UBR3: variants seen among roughly 807,000 people sequenced by gnomAD.
UBR3 encodes E3 ubiquitin-protein ligase UBR3.
UBR3 carries 85 observed loss-of-function variants against 243.2 expected under a neutral mutation model. That is an observed-to-expected ratio of 0.35 (90% CI 0.29 to 0.42). The LOEUF (loss-of-function observed/expected upper bound fraction) is 0.42. Ranked by LOEUF, UBR3 falls within the 10% of genes least tolerant of loss-of-function variation. The pLI is 1.00. For missense variants in UBR3, 1,686 were observed against 2,300.8 expected (o/e 0.73, Z 5.47); for synonymous variants, 748 against 799.8 (o/e 0.94, Z 1.09).
chr2:169,859,081 C>A (rs1318811634), intron 1 of UBR3, among the ~76,000 whole-genome samples: 7 of 99,748 alleles, frequency 7.0e-5, no homozygotes, highest in Non-Finnish European at 1.4e-4. Flanking sequence ...CTCACCATGG[C>A]TTTTTTTTTT....
chr2:170,032,908 G>T (rs999474788), intron 31 of UBR3, among the ~76,000 whole-genome samples: 2 of 151,812 alleles, frequency 1.3e-5, no homozygotes, highest in African/African-American at 4.8e-5. Context: ...TATGTATCTT[G>T]CTACTCTTCA....
At chr2:169,881,398 T>C (rs1239488889) in intron 5 of UBR3, among the ~76,000 whole-genome samples, 6 of 151,848 alleles carry the variant, frequency 4.0e-5, no homozygotes, top group African/African-American at 1.5e-4. Context: ...AGGCTGGTGT[T>C]GAACTCCTGA....
chr2:169,877,227 A>C (rs1164333520), intron 3 of UBR3, among the ~76,000 whole-genome samples: 2 of 152,232 alleles, frequency 1.3e-5, no homozygotes, highest in African/African-American at 4.8e-5. Flanking sequence ...TGTCTTATTA[A>C]TTCTTGTGCC....
At chr2:169,944,968 C>A (rs1188216048) in intron 20 of UBR3, among the ~76,000 whole-genome samples, 2 of 152,112 alleles carry the variant, frequency 1.3e-5, no homozygotes, top group Non-Finnish European at 2.9e-5. Flanking sequence ...TGTGGTCTCC[C>A]AGCCTTCAGT....
At chr2:170,053,626 C>A (rs2091271714) in intron 32 of UBR3, among the ~76,000 whole-genome samples, 1 of 152,226 alleles carries the variant, frequency 6.6e-6, no homozygotes, top group Non-Finnish European at 1.5e-5. Flanking sequence ...ACCCCCAACA[C>A]AGCCACTTTA....
At position 169,877,597 on chromosome 2, in the gene UBR3, G is replaced by C; in HGVS notation, c.948G>C (p.Val316=). The change falls in exon 4 of 39, where the codon GTG becomes GTC. Residue 316 remains valine, a synonymous_variant. Coordinates refer to ENST00000272793, the MANE Select transcript of UBR3 (RefSeq NM_172070.4). The part of the protein sequence containing the change: ...TYPEDKLVYG[V]QEPSAGTSSL... The stretch of plus-strand genomic sequence containing the variant: ...CTGAGGATAAGCTTGTATATGGTGT[G>C]CAGGAGCCATCTGCTGGTACTAGTT... The C allele has an allele frequency of 6.5e-7, 1 of 1,549,172 alleles. No homozygotes were observed. The highest frequency in any genetic ancestry group is 8.7e-7 in the Non-Finnish European group (1 of 1,146,494).
At chr2:170,000,675 C>G (rs953379766) in intron 26 of UBR3, among the ~76,000 whole-genome samples, 2 of 152,088 alleles carry the variant, frequency 1.3e-5, no homozygotes, top group African/African-American at 2.4e-5. Context: ...GGCATGAGTA[C>G]TTGTATCTAA....
chr2:169,912,216 T>A (rs1574183526), intron 10 of UBR3, among the ~76,000 whole-genome samples: 1 of 152,012 alleles, frequency 6.6e-6, no homozygotes, highest in Non-Finnish European at 1.5e-5. Flanking sequence ...GTTTTTAACT[T>A]AAAAAAGGAG....
chr2:170,051,077 A>G (rs2091205883), intron 32 of UBR3, among the ~76,000 whole-genome samples: 1 of 152,188 alleles, frequency 6.6e-6, no homozygotes, highest in Non-Finnish European at 1.5e-5. Context: ...TGTATTTTTT[A>G]GGGCATAATG....
chr2:170,034,078 C>T (rs1361049973), intron 31 of UBR3, among the ~76,000 whole-genome samples: 1 of 151,428 alleles, frequency 6.6e-6, no homozygotes, highest in Non-Finnish European at 1.5e-5. Context: ...ACACAGATTT[C>T]CCATATACTC....
intron 24 of UBR3, among the ~76,000 whole-genome samples, chr2:169,974,489 T>C (rs1479213029): frequency 1.3e-5 from 2 of 152,210 alleles, no homozygotes; most frequent in Non-Finnish European, 2.9e-5. Context: ...ACCCTTTGTA[T>C]TTCCGTGGCA....
chr2:169,845,804 G>A (rs1483415619), intron 1 of UBR3, among the ~76,000 whole-genome samples: 2 of 151,892 alleles, frequency 1.3e-5, no homozygotes, highest in Non-Finnish European at 2.9e-5. Context: ...GGCTAGTCTT[G>A]AACTGCTGGA....
intron 5 of UBR3, among the ~76,000 whole-genome samples, chr2:169,881,154 A>G: frequency 6.6e-6 from 1 of 152,238 alleles, no homozygotes; most frequent in Middle Eastern, 3.4e-3. Context: ...ACATTTAAGT[A>G]GTTTAGACCC....
At chr2:169,933,057 T>C (rs1490556015) in intron 19 of UBR3, 49 bp downstream of exon 19, 1 of 1,367,648 alleles carries the variant, frequency 7.3e-7, no homozygotes, top group African/African-American at 1.5e-5. Flanking sequence ...TATATTTATA[T>C]GGAAAAATTT....
At chr2:170,067,440 C>G (rs1414367032) in intron 35 of UBR3, among the ~76,000 whole-genome samples, 1 of 152,098 alleles carries the variant, frequency 6.6e-6, no homozygotes, top group African/African-American at 2.4e-5. Flanking sequence ...AGTGTGCCTT[C>G]TTAGTAATCA....
At position 170,003,538 on chromosome 2, in the gene UBR3, A is replaced by G. The variant is rs114012172; in HGVS notation, c.4029+2124A>G. Among the ~76,000 whole-genome samples, 878 of 152,266 alleles carry G rather than the reference A, an allele frequency of 5.8e-3. 7 individuals are homozygous for G. Among genetic ancestry groups the G allele is most frequent in the African/African-American group, 0.02 (828 of 41,544 alleles). On this transcript the variant is annotated intron_variant, in intron 27 of 38. Transcript: ENST00000272793. Reference sequence around the variant, plus strand: ...TGATAATCATTGTGGATACAATGGTACATAAGGCACAGTTCCTTCCCTCAA... The same window carrying G: ...TGATAATCATTGTGGATACAATGGTGCATAAGGCACAGTTCCTTCCCTCAA...
intron 26 of UBR3, among the ~76,000 whole-genome samples, chr2:169,996,157 T>C (rs1244537777): frequency 6.6e-6 from 1 of 151,910 alleles, no homozygotes; most frequent in Non-Finnish European, 1.5e-5. Context: ...AGAGCCAGAG[T>C]AGAGTCTGGT....
At chr2:169,863,300 A>G (rs889054876) in intron 1 of UBR3, among the ~76,000 whole-genome samples, 27 of 152,210 alleles carry the variant, frequency 1.8e-4, no homozygotes, top group African/African-American at 6.3e-4. Context: ...TGGCATTTAC[A>G]TGAGTATGTT....
rs58249420 is a variant in UBR3 at position 169,943,021 on chromosome 2, G to T, written c.2805+387G>T. Among the ~76,000 whole-genome samples the T allele has an allele frequency of 5.6e-3, 846 of 152,182 alleles. 7 individuals carry two copies. The highest frequency in any genetic ancestry group is 0.019 in the African/African-American group (798 of 41,534). On this transcript the variant is annotated intron_variant, in intron 20 of 38. Transcript: ENST00000272793. Reference sequence around the variant, plus strand: ...TGAGGCAGTGAATCTTAGGTTGGGGGGTTCTTTTTGCTTTTTCCCTCTAAT... The same window carrying T: ...TGAGGCAGTGAATCTTAGGTTGGGGTGTTCTTTTTGCTTTTTCCCTCTAAT...
Sources: gnomAD v4.1 joint callset for allele counts (sites outside exome capture counted in the v4.1 genomes callset) on GRCh38, gnomAD v4.1.1 for gene constraint, MANE v1.5 for transcripts, NCBI Gene and HGNC (gene_info 2026-07-23, HGNC 2026-07-21) for gene names.